FAM184A: variants seen among roughly 807,000 people sequenced by gnomAD.
FAM184A encodes the protein protein FAM184A.
A neutral mutation model predicts 143.8 loss-of-function variants in FAM184A; 99 were observed. The observed-to-expected ratio is 0.69, with a 90% CI of 0.58 to 0.81. The LOEUF (loss-of-function observed/expected upper bound fraction) is 0.81, where lower values mean the gene tolerates loss of function less well. Among genes scored for constraint, FAM184A ranks in the 40% least tolerant of loss-of-function variants. FAM184A has a pLI of 0.00. For missense variants in FAM184A, 1,217 were observed against 1,310.5 expected (o/e 0.93, Z 1.10); for synonymous variants, 427 against 446.4 (o/e 0.96, Z 0.55).
chr6:119,108,405 T>C (rs1161852028), intron 1 of FAM184A, among the ~76,000 whole-genome samples: 1 of 152,152 alleles, frequency 6.6e-6, no homozygotes, highest in African/African-American at 2.4e-5. Context: ...CCAGGCTCTA[T>C]TGAGGTCCTC....
chr6:118,977,954 TTTTA>T lies in FAM184A; in HGVS notation c.2455+1407_2455+1410del, dbSNP rs542576952. Among the ~76,000 whole-genome samples the T allele has an allele frequency of 8.4e-3, 1,273 of 152,188 alleles. 8 individuals are homozygous for T. Among genetic ancestry groups the T allele is most frequent in the Non-Finnish European group, 0.014 (953 of 67,984 alleles). ...AACTCTTTTTGTCAACAAAGACATA[TTTTA>T]TTTATTTATTTATTTATTTTTTGAG... On this transcript the variant is annotated intron_variant, in intron 11 of 17. Coordinates refer to ENST00000338891, the MANE Select transcript of FAM184A (RefSeq NM_024581.6).
chr6:119,128,812 C>T (rs1789446197), intron 1 of FAM184A, among the ~76,000 whole-genome samples: 1 of 152,084 alleles, frequency 6.6e-6, no homozygotes, highest in Admixed American at 6.5e-5. Flanking sequence ...TGAAATGGTC[C>T]TGCAAAGCTG....
At chr6:119,143,328 A>C (rs1772308623) in intron 1 of FAM184A, among the ~76,000 whole-genome samples, 1 of 152,190 alleles carries the variant, frequency 6.6e-6, no homozygotes, top group African/African-American at 2.4e-5. Flanking sequence ...TCCTTCCCCC[A>C]ACATGAACTT....
intron 9 of FAM184A, among the ~76,000 whole-genome samples, chr6:118,993,518 A>G (rs1784443739): frequency 6.6e-6 from 1 of 151,108 alleles, no homozygotes; most frequent in Non-Finnish European, 1.5e-5. Context: ...GTAAGCTTTT[A>G]GAGGACAGAA....
chr6:119,048,695 T>C (rs191551753), intron 1 of FAM184A, among the ~76,000 whole-genome samples: 1 of 152,270 alleles, frequency 6.6e-6, no homozygotes, highest in South Asian at 2.1e-4. Context: ...CTCACTTATT[T>C]GTAGATCTAA....
At chr6:119,144,372 G>A (rs1772352434) in intron 1 of FAM184A, among the ~76,000 whole-genome samples, 1 of 151,088 alleles carries the variant, frequency 6.6e-6, no homozygotes, top group Non-Finnish European at 1.5e-5. Context: ...TTTTCTGCCT[G>A]CCTGGGACTT....
chr6:119,103,060 T>C (rs773869001), intron 1 of FAM184A, among the ~76,000 whole-genome samples: 1 of 152,176 alleles, frequency 6.6e-6, no homozygotes, highest in Non-Finnish European at 1.5e-5. Context: ...GAATCAATTA[T>C]GATATTCTTA....
intron 6 of FAM184A, chr6:119,011,041 A>G: frequency 3.5e-6 from 1 of 286,472 alleles, no homozygotes; most frequent in Non-Finnish European, 6.4e-6. Context: ...AGGGTAGAGA[A>G]CTCTCTCTTG....
chr6:119,141,531 C>T (rs576308787), intron 1 of FAM184A, among the ~76,000 whole-genome samples: 1 of 152,266 alleles, frequency 6.6e-6, no homozygotes, highest in Admixed American at 6.5e-5. Flanking sequence ...GTCGCCCAGG[C>T]AGTGGCGCGA....
chr6:118,990,829 G>A (rs1784355527), intron 9 of FAM184A, among the ~76,000 whole-genome samples: 1 of 152,080 alleles, frequency 6.6e-6, no homozygotes, highest in South Asian at 2.1e-4. Context: ...GGCGAGGGTT[G>A]TGGTGAGCTG....
At chr6:119,025,645 G>A (rs761201659) in intron 1 of FAM184A, 2 of 517,972 alleles carry the variant, frequency 3.9e-6, no homozygotes, top group Non-Finnish European at 7.7e-6. Context: ...CCTTCCCTCT[G>A]TTCCTCGGAT....
At chr6:119,112,290 G>A (rs534467121) in intron 1 of FAM184A, among the ~76,000 whole-genome samples, 9 of 151,818 alleles carry the variant, frequency 5.9e-5, no homozygotes, top group African/African-American at 9.7e-5. Context: ...TTACATGCCC[G>A]GCTAATTTTG....
At chr6:119,069,815 C>T (rs1787615371) in intron 1 of FAM184A, among the ~76,000 whole-genome samples, 1 of 152,052 alleles carries the variant, frequency 6.6e-6, no homozygotes, top group African/African-American at 2.4e-5. Context: ...TTCTAGTTAA[C>T]TAAAATAATT....
At chr6:118,980,009 C>T in intron 10 of FAM184A, 129 bp downstream of exon 10, 1 of 680,554 alleles carries the variant, frequency 1.5e-6, no homozygotes, top group Non-Finnish European at 2.5e-6. Flanking sequence ...GATTGTGCTG[C>T]TGCACCTCAG....
At chr6:119,047,212 C>G (rs900351468) in intron 1 of FAM184A, among the ~76,000 whole-genome samples, 1 of 152,040 alleles carries the variant, frequency 6.6e-6, no homozygotes, top group Non-Finnish European at 1.5e-5. Flanking sequence ...TGGCTTATAT[C>G]TAAAAGACAG....
intron 1 of FAM184A, among the ~76,000 whole-genome samples, chr6:119,064,893 T>C (rs1190043300): frequency 6.6e-6 from 1 of 152,182 alleles, no homozygotes. Flanking sequence ...TTAATTACCA[T>C]CTACATGCTA....
At chr6:119,028,181 C>T (rs1385271454) in intron 1 of FAM184A, among the ~76,000 whole-genome samples, 1 of 152,210 alleles carries the variant, frequency 6.6e-6, no homozygotes, top group East Asian at 1.9e-4. Flanking sequence ...GGCTGGTCCC[C>T]CCCTGCTTAG....
chr6:119,009,002 T>G (rs1227508445), intron 6 of FAM184A, among the ~76,000 whole-genome samples: 1 of 152,182 alleles, frequency 6.6e-6, no homozygotes, highest in Non-Finnish European at 1.5e-5. Context: ...AGAGTAGGGT[T>G]AAGAATTGAG....
At position 119,006,700 on chromosome 6, in the gene FAM184A, G is replaced by A. The variant is rs1027572013; in HGVS notation, c.1654-92C>T. On this transcript the variant is annotated intron_variant, in intron 6 of 17. Coordinates refer to ENST00000338891, the MANE Select transcript of FAM184A (RefSeq NM_024581.6). ...TCTTCCTAAAGTTTTTTATTTAGTTGTAATTTTACTGAATGGATGATTTCC... is the reference window on the plus strand; with the variant it reads ...TCTTCCTAAAGTTTTTTATTTAGTTATAATTTTACTGAATGGATGATTTCC... 21 of 1,029,860 alleles carry A rather than the reference G, an allele frequency of 2.0e-5. No homozygotes were observed. The African/African-American group carries it at 3.5e-4, about 17-fold the overall frequency. 63.8% of individuals were successfully genotyped at this position (1,029,860 alleles called of 1,614,324 possible).
Sources: gnomAD v4.1 joint callset for allele counts (sites outside exome capture counted in the v4.1 genomes callset) on GRCh38, gnomAD v4.1.1 for gene constraint, MANE v1.5 for transcripts, NCBI Gene and HGNC (gene_info 2026-07-23, HGNC 2026-07-21) for gene names.